Variants in PIK3C2G observed in about 807,000 individuals in gnomAD.
PIK3C2G encodes the protein phosphatidylinositol 3-kinase C2 domain-containing subunit gamma.
A neutral mutation model predicts 181.1 loss-of-function variants in PIK3C2G; 168 were observed. The observed-to-expected ratio is 0.93, with a 90% CI of 0.82 to 1.05. The LOEUF (loss-of-function observed/expected upper bound fraction) is 1.05, where lower values mean the gene tolerates loss of function less well. Among genes scored for constraint, PIK3C2G ranks in the 50% least tolerant of loss-of-function variants. The pLI, the probability that PIK3C2G is intolerant of heterozygous loss-of-function variation, is 0.00. For missense variants in PIK3C2G, 1,869 were observed against 1,732.8 expected (o/e 1.08, Z -1.40); for synonymous variants, 573 against 592.2 (o/e 0.97, Z 0.47).
At chr12:18,617,831 T>C (rs1422091669) in intron 31 of PIK3C2G, among the ~76,000 whole-genome samples, 1 of 152,064 alleles carries the variant, frequency 6.6e-6, no homozygotes, top group Non-Finnish European at 1.5e-5. Context: ...TGAAAGAGGA[T>C]AAAGAGCAAA....
At position 18,282,164 on chromosome 12, in the gene PIK3C2G, A is replaced by G. The variant is rs367574629; in HGVS notation, c.83A>G (p.Asn28Ser). The change falls in exon 2 of 33, where the codon AAT becomes AGT. Residue 28 changes from asparagine (N) to serine (S), a missense_variant. Coordinates refer to ENST00000538779, the MANE Select transcript of PIK3C2G (RefSeq NM_001288772.2). ...QYEHQEFLFV[N>S]QPHSSSQVSL... ...GAACACCAAGAATTTCTCTTTGTAAATCAACCCCATTCTTCTAGCCAAGTC... is the reference window on the plus strand; with the variant it reads ...GAACACCAAGAATTTCTCTTTGTAAGTCAACCCCATTCTTCTAGCCAAGTC... 3.1e-6 allele frequency: 5 copies of G among 1,611,476 alleles called. No homozygotes were observed. In the African/African-American group the frequency reaches 5.3e-5, roughly 17 times the overall value.
At chr12:18,570,866 C>A (rs980909202) in intron 29 of PIK3C2G, among the ~76,000 whole-genome samples, 1 of 150,518 alleles carries the variant, frequency 6.6e-6, no homozygotes, top group Non-Finnish European at 1.5e-5. Context: ...GGCAGAGAAC[C>A]GAAAACTGTC....
At chr12:18,461,195 AAAGT>A (rs1275892703) in intron 18 of PIK3C2G, among the ~76,000 whole-genome samples, 1 of 152,180 alleles carries the variant, frequency 6.6e-6, no homozygotes, top group African/African-American at 2.4e-5. Flanking sequence ...ATCTTTCTAA[AAAGT>A]AAGTAGCATA....
chr12:18,539,584 A>G (rs1451606845), intron 25 of PIK3C2G, among the ~76,000 whole-genome samples: 3 of 151,914 alleles, frequency 2.0e-5, no homozygotes, highest in African/African-American at 7.2e-5. Flanking sequence ...TCAAGTACTC[A>G]GTAGCCACGT....
intron 29 of PIK3C2G, among the ~76,000 whole-genome samples, chr12:18,574,564 T>A (rs1419506421): frequency 1.3e-5 from 2 of 152,172 alleles, no homozygotes; most frequent in Admixed American, 1.3e-4. Context: ...CAATTGTGCA[T>A]CTTTGATTAG....
chr12:18,566,897 A>C (rs568459601), intron 28 of PIK3C2G, 52 bp from the exon 29 acceptor site: 1 of 891,882 alleles, frequency 1.1e-6, no homozygotes, highest in Non-Finnish European at 1.9e-6. Flanking sequence ...TCTTAAGATG[A>C]AAAGGCCAGT....
At chr12:18,313,778 C>T (rs1950738762) in intron 5 of PIK3C2G, among the ~76,000 whole-genome samples, 184 bp from the exon 6 acceptor site, 1 of 150,360 alleles carries the variant, frequency 6.7e-6, no homozygotes, top group Non-Finnish European at 1.5e-5. Context: ...TTCATTTATA[C>T]ACAAAAATAT....
the PIK3C2G span, chr12:18,694,955 G>T: frequency 6.2e-7 from 1 of 1,604,532 alleles, no homozygotes; most frequent in South Asian, 1.1e-5. Context: ...TGTTACTTGG[G>T]TTAAAGTATG....
intron 31 of PIK3C2G, among the ~76,000 whole-genome samples, chr12:18,634,416 T>G (rs1949497558): frequency 6.6e-6 from 1 of 152,212 alleles, no homozygotes; most frequent in South Asian, 2.1e-4. Flanking sequence ...TAAGGCATTC[T>G]ACAAGTCCAT....
At chr12:18,250,785 T>C (rs1948088251) in intron 1 of PIK3C2G, among the ~76,000 whole-genome samples, 1 of 152,058 alleles carries the variant, frequency 6.6e-6, no homozygotes, top group Non-Finnish European at 1.5e-5. Context: ...AGGCCAGGCT[T>C]ACATGAGAAA....
chr12:18,348,088 T>C (rs913215095), intron 11 of PIK3C2G, among the ~76,000 whole-genome samples: 1 of 151,978 alleles, frequency 6.6e-6, no homozygotes, highest in African/African-American at 2.4e-5. Context: ...CATCAATAAA[T>C]ACTCCTTAGT....
intron 14 of PIK3C2G, 61 bp downstream of exon 14, chr12:18,381,941 T>C (rs947327933): frequency 3.1e-6 from 3 of 977,788 alleles, no homozygotes; most frequent in East Asian, 2.4e-5. Context: ...ACGTAGTTTG[T>C]TGTCAATTAT....
At chr12:18,692,971 T>G in the PIK3C2G span, 5 of 1,433,654 alleles carry the variant, frequency 3.5e-6, no homozygotes, top group African/African-American at 7.0e-5. Flanking sequence ...TTACTGAAGT[T>G]AGAGAGAATT....
chr12:18,557,600 A>C (rs570922937), intron 26 of PIK3C2G, among the ~76,000 whole-genome samples: 111 of 152,226 alleles, frequency 7.3e-4, no homozygotes, highest in South Asian at 1.7e-3. Context: ...GGTTGCTATC[A>C]CCACTTCCAT....
At chr12:18,656,785 C>T in the PIK3C2G span, among the ~76,000 whole-genome samples, 4 of 151,980 alleles carry the variant, frequency 2.6e-5, no homozygotes, top group African/African-American at 7.3e-5. Context: ...ATTATACAGG[C>T]AGAAACGGTC....
chr12:18,329,511 T>C (rs1385290201), intron 8 of PIK3C2G, among the ~76,000 whole-genome samples: 1 of 151,996 alleles, frequency 6.6e-6, no homozygotes, highest in Non-Finnish European at 1.5e-5. Context: ...AAGGTCTCCA[T>C]GAATGGAATC....
rs1054809205 is a variant in PIK3C2G, at chr12:18,360,818, T to G, written c.1626-1946T>G. Among the ~76,000 whole-genome samples, 37 of 152,200 alleles carry G rather than the reference T, an allele frequency of 2.4e-4. 1 individual carries two copies. On this transcript the variant is annotated intron_variant, in intron 11 of 32. Transcript: ENST00000538779. Reference sequence around the variant, plus strand: ...GTCTTTTCATCTTTTTGACTTTTTATGATTTGATTCTAATATGTCCCTGTG... The same window carrying G: ...GTCTTTTCATCTTTTTGACTTTTTAGGATTTGATTCTAATATGTCCCTGTG...
rs1000154152 is a variant in PIK3C2G, at chr12:18,546,266, T to C, written c.3481-57T>C. The C allele has an allele frequency of 4.2e-5, 43 of 1,024,164 alleles. No homozygotes were observed. The African/African-American group carries it at 6.7e-4, about 16-fold the overall frequency. 63.4% of individuals were successfully genotyped at this position (1,024,164 alleles called of 1,614,324 possible). On this transcript the variant is annotated intron_variant, in intron 25 of 32. Coordinates refer to ENST00000538779, the MANE Select transcript of PIK3C2G (RefSeq NM_001288772.2). ...GGTAGAATTAATCAAGTAAGCTTGA[T>C]TGTATCTGCATTTATTCTGTCTTCT...
chr12:18,625,671 T>G (rs2136691589), intron 31 of PIK3C2G, among the ~76,000 whole-genome samples: 1 of 151,932 alleles, frequency 6.6e-6, no homozygotes, highest in South Asian at 2.1e-4. Context: ...CTTCAGAAAC[T>G]TTAATATTTG....
Sources: gnomAD v4.1 joint callset for allele counts (sites outside exome capture counted in the v4.1 genomes callset) on GRCh38, gnomAD v4.1.1 for gene constraint, MANE v1.5 for transcripts, NCBI Gene and HGNC (gene_info 2026-07-23, HGNC 2026-07-21) for gene names.